The following EIF4G3 variants were observed in gnomAD, a reference collection of about 807,000 sequenced individuals.
EIF4G3 encodes the protein eIF-4-gamma 3.
EIF4G3 carries 34 observed loss-of-function variants against 186.4 expected under a neutral mutation model. The observed-to-expected ratio is 0.18, with a 90% CI of 0.14 to 0.24. The LOEUF is 0.24. EIF4G3 is among the 10% of genes least tolerant of loss of function. The pLI is 1.00. For synonymous variants in EIF4G3, 673 were observed against 679.5 expected (o/e 0.99, Z 0.15); for missense variants, 1,536 against 1,948.5 (o/e 0.79, Z 3.99).
intron 13 of EIF4G3, among the ~76,000 whole-genome samples, chr1:20,949,703 A>AG (rs1356023808): frequency 2.0e-5 from 3 of 152,218 alleles, no homozygotes; most frequent in African/African-American, 7.2e-5. Flanking sequence ...AATATATGCT[A>AG]GGATTTCTCC....
chr1:21,125,328 AAAC>A (rs1198158940), intron 2 of EIF4G3, among the ~76,000 whole-genome samples: 1 of 152,222 alleles, frequency 6.6e-6, no homozygotes, highest in African/African-American at 2.4e-5. Context: ...AACTCTATTT[AAAC>A]ATTTGAAACA....
intron 2 of EIF4G3, among the ~76,000 whole-genome samples, chr1:21,100,160 T>C (rs115222686): frequency 0.013 from 1,905 of 152,112 alleles, 41 homozygotes; most frequent in African/African-American, 0.042. Context: ...AATAGGTAAA[T>C]CCATAGAGGC....
chr1:21,143,822 T>C (rs2102695182), intron 2 of EIF4G3, among the ~76,000 whole-genome samples: 1 of 152,280 alleles, frequency 6.6e-6, no homozygotes, highest in Non-Finnish European at 1.5e-5. Flanking sequence ...CGCAGGAGGC[T>C]GAGGCACCAG....
intron 20 of EIF4G3, among the ~76,000 whole-genome samples, chr1:20,867,041 T>C (rs1377225466): frequency 6.6e-6 from 1 of 152,160 alleles, no homozygotes; most frequent in African/African-American, 2.4e-5. Context: ...CACTGCCATA[T>C]GGTGAGAAGT....
At chr1:20,886,156 T>A (rs1186501288) in intron 19 of EIF4G3, 45 bp downstream of exon 19, 2 of 1,557,934 alleles carry the variant, frequency 1.3e-6, no homozygotes, top group Non-Finnish European at 1.7e-6. Flanking sequence ...TAAAACAAAA[T>A]CAATATAATT....
intron 3 of EIF4G3, among the ~76,000 whole-genome samples, chr1:21,069,133 C>T (rs142157460): frequency 6.6e-6 from 1 of 152,260 alleles, no homozygotes; most frequent in East Asian, 1.9e-4. Flanking sequence ...TTATCCTCCA[C>T]CTCAAAGGCT....
chr1:20,864,073 A>T (rs556851527), intron 22 of EIF4G3, among the ~76,000 whole-genome samples: 1 of 152,292 alleles, frequency 6.6e-6, no homozygotes, highest in African/African-American at 2.4e-5. Flanking sequence ...ATTTTTAATG[A>T]TTTCTTATAT....
intron 7 of EIF4G3, among the ~76,000 whole-genome samples, chr1:20,996,491 A>G (rs1410642509): frequency 2.0e-5 from 3 of 152,190 alleles, no homozygotes; most frequent in African/African-American, 7.2e-5. Context: ...TTGCCTTTAC[A>G]TCCTCCAGAT....
chr1:21,019,272 A>T (rs2154570675), intron 4 of EIF4G3, among the ~76,000 whole-genome samples: 1 of 152,372 alleles, frequency 6.6e-6, no homozygotes, highest in African/African-American at 2.4e-5. Context: ...AAGAGCACTT[A>T]TTCAATTTCA....
intron 2 of EIF4G3, among the ~76,000 whole-genome samples, chr1:21,170,539 C>T (rs1048656705): frequency 4.0e-4 from 60 of 151,564 alleles, no homozygotes; most frequent in African/African-American, 1.4e-3. Flanking sequence ...GGTGTGATGG[C>T]GCGCACCTGT....
chr1:20,827,042 C>T (rs955902805), intron 32 of EIF4G3, among the ~76,000 whole-genome samples: 1 of 152,136 alleles, frequency 6.6e-6, no homozygotes, highest in African/African-American at 2.4e-5. Flanking sequence ...AATCTATCAT[C>T]CAATATCTTT....
intron 4 of EIF4G3, among the ~76,000 whole-genome samples, chr1:21,031,545 GGATT>G (rs2092750163): frequency 6.6e-6 from 1 of 151,986 alleles, no homozygotes; most frequent in African/African-American, 2.4e-5. Context: ...TGAAGTGGAA[GGATT>G]TCTAAGGAAA....
chr1:21,137,748 T>C lies in EIF4G3; in HGVS notation c.-272+38427A>G, dbSNP rs1230788234. ...AAGTGGGAGGATCACTTGAGCCTGG[T>C]GGTCAAGGCTGCAGTGAGCTACAAT... is the stretch of plus-strand genomic sequence containing the variant. On this transcript the variant is annotated intron_variant, in intron 2 of 36. Coordinates refer to ENST00000602326, the MANE Select transcript of EIF4G3 (RefSeq NM_001391906.1). Among the ~76,000 whole-genome samples the C allele has an allele frequency of 7.5e-5, 11 of 147,030 alleles. No homozygotes were observed. The East Asian group carries it at 2.2e-3, about 30-fold the overall frequency.
rs146871340 is a variant in EIF4G3 at position 21,081,630 on chromosome 1, A to C, written c.-196+7508T>G. Among the ~76,000 whole-genome samples the C allele has an allele frequency of 3.5e-4, 53 of 149,684 alleles. No homozygotes were observed. The East Asian group carries it at 9.0e-3, about 25-fold the overall frequency. The stretch of plus-strand genomic sequence containing the variant: ...TAACATGAACACATTCCAGAAGATG[A>C]GTCCAATTTTTTTTTTTTTTTTTTT... On this transcript the variant is annotated intron_variant, in intron 3 of 36. Transcript: ENST00000602326.
intron 12 of EIF4G3, among the ~76,000 whole-genome samples, chr1:20,952,903 T>C (rs6700459): frequency 0.34 from 51,917 of 151,950 alleles, 9,525 homozygotes; most frequent in Non-Finnish European, 0.41. Context: ...ACAAAGGAGT[T>C]CCTTATCTTC....
intron 23 of EIF4G3, among the ~76,000 whole-genome samples, chr1:20,861,064 A>G (rs1364355343): frequency 2.0e-5 from 3 of 152,230 alleles, no homozygotes; most frequent in Non-Finnish European, 4.4e-5. Context: ...CCCTGTATTA[A>G]GGACAAAATA....
At chr1:20,956,844 T>TC (rs1266761222) in intron 12 of EIF4G3, among the ~76,000 whole-genome samples, 1 of 151,622 alleles carries the variant, frequency 6.6e-6, no homozygotes, top group African/African-American at 2.4e-5. Flanking sequence ...GCTCAAGCAA[T>TC]CCCCCCAGCT....
At chr1:20,923,809 CTATATATA>C (rs10587649) in intron 14 of EIF4G3, among the ~76,000 whole-genome samples, 2 of 143,874 alleles carry the variant, frequency 1.4e-5, no homozygotes, top group African/African-American at 2.6e-5. Flanking sequence ...TTACCCATCC[CTATATATA>C]TATATATATA....
chr1:20,904,812 T>C (rs918130860), intron 15 of EIF4G3, 71 bp downstream of exon 15: 8 of 1,031,562 alleles, frequency 7.8e-6, no homozygotes, highest in Non-Finnish European at 1.1e-5. Context: ...TTTCAATAAA[T>C]AGGTATAAAC....
Sources: gnomAD v4.1 joint callset for allele counts (sites outside exome capture counted in the v4.1 genomes callset) on GRCh38, gnomAD v4.1.1 for gene constraint, MANE v1.5 for transcripts, NCBI Gene and HGNC (gene_info 2026-07-23, HGNC 2026-07-21) for gene names.